ARHGAP15: variants seen among roughly 807,000 people sequenced by gnomAD.
The protein encoded by ARHGAP15 is Rho GTPase activating protein 15.
In ARHGAP15, 51 loss-of-function variants were observed where a neutral mutation model predicts 63.7. The ratio of observed to expected loss-of-function variants is 0.80; its 90% CI spans 0.64 to 1.01. The LOEUF (loss-of-function observed/expected upper bound fraction) is 1.01. ARHGAP15 is among the 50% of genes least tolerant of loss of function. The probability of loss-of-function intolerance (pLI) is 0.00; values close to 1 mark genes in which losing one functional copy is unlikely to be tolerated. For synonymous variants in ARHGAP15, 191 were observed against 193.8 expected, an observed-to-expected ratio of 0.99 and a Z score of 0.12; for missense variants, 560 against 564.6, an observed-to-expected ratio of 0.99 and a Z score of 0.08.
chr2:143,691,642 A>G (rs910429329), intron 12 of ARHGAP15, among the ~76,000 whole-genome samples: 23 of 152,214 alleles, frequency 1.5e-4, no homozygotes, highest in Non-Finnish European at 3.2e-4. Context: ...CCAACACATT[A>G]TCTAAATGGG....
At chr2:143,542,634 T>C (rs569943158) in intron 10 of ARHGAP15, among the ~76,000 whole-genome samples, 46 of 144,566 alleles carry the variant, frequency 3.2e-4, no homozygotes, top group Admixed American at 4.3e-4. Flanking sequence ...ATATATATGA[T>C]TTAAAATATA....
At chr2:143,143,331 G>A (rs1689446597) in intron 1 of ARHGAP15, among the ~76,000 whole-genome samples, 1 of 151,856 alleles carries the variant, frequency 6.6e-6, no homozygotes, top group Non-Finnish European at 1.5e-5. Context: ...TACATTTTAA[G>A]GTGTACATAT....
intron 6 of ARHGAP15, among the ~76,000 whole-genome samples, chr2:143,424,137 A>C (rs1689046557): frequency 6.6e-6 from 1 of 152,132 alleles, no homozygotes; most frequent in Non-Finnish European, 1.5e-5. Flanking sequence ...GTAAACAGAC[A>C]GACTACTAGG....
At position 143,606,035 on chromosome 2, in the gene ARHGAP15, C is replaced by CAAAAAAAAAAA. The variant is rs869266541; in HGVS notation, c.1004-18073_1004-18063dup. Among the ~76,000 whole-genome samples the CAAAAAAAAAAA allele has an allele frequency of 2.7e-3, 62 of 22,868 alleles. 7 individuals carry two copies. Among genetic ancestry groups the CAAAAAAAAAAA allele is most frequent in the South Asian group, 0.014 (3 of 208 alleles). 15.0% of individuals were successfully genotyped at this position (22,868 alleles called of 152,430 possible). On this transcript the variant is annotated intron_variant, in intron 11 of 13. Transcript: ENST00000295095. ...TGGGCGCCAGAGCAAGACTCTGTCT[C>CAAAAAAAAAAA]AAAAAAAAAAAAAAAAAAAAAAAAA...
At chr2:143,286,169 T>C (rs1247591242) in intron 6 of ARHGAP15, among the ~76,000 whole-genome samples, 1 of 152,174 alleles carries the variant, frequency 6.6e-6, no homozygotes, top group African/African-American at 2.4e-5. Context: ...CTATGGCCTT[T>C]TGTGAAAAGT....
At chr2:143,538,674 G>A (rs2105037776) in intron 10 of ARHGAP15, among the ~76,000 whole-genome samples, 3 of 152,232 alleles carry the variant, frequency 2.0e-5, no homozygotes, top group Non-Finnish European at 4.4e-5. Flanking sequence ...GTTTATGCTG[G>A]ATTACGTTTA....
chr2:143,182,815 A>G (rs946005314), intron 2 of ARHGAP15, among the ~76,000 whole-genome samples: 3 of 152,158 alleles, frequency 2.0e-5, no homozygotes, highest in African/African-American at 7.2e-5. Context: ...GACTGTATGT[A>G]ACAGGGCACC....
intron 6 of ARHGAP15, among the ~76,000 whole-genome samples, chr2:143,307,577 A>G (rs1246713766): frequency 6.6e-6 from 1 of 152,170 alleles, no homozygotes; most frequent in Admixed American, 6.6e-5. Context: ...CCATATTACA[A>G]ATTGAATAAT....
intron 8 of ARHGAP15, among the ~76,000 whole-genome samples, chr2:143,438,620 G>A (rs1689722464): frequency 6.6e-6 from 1 of 152,100 alleles, no homozygotes; most frequent in Non-Finnish European, 1.5e-5. Flanking sequence ...GAAAATGCAT[G>A]GTTTATTTGT....
rs568546364 is a variant in ARHGAP15 at position 143,235,708 on chromosome 2, C to A, written c.384+7040C>A. On this transcript the variant is annotated intron_variant, in intron 5 of 13. Transcript: ENST00000295095. ...TCGAGGCTCTTCATCTCATTTACTG[C>A]AGAAGTGAAAACTTTTTCCTCAAAA... Among the ~76,000 whole-genome samples, 8 of 152,310 alleles carry A rather than the reference C, an allele frequency of 5.3e-5. No homozygotes were observed. The East Asian group carries it at 1.5e-3, about 29-fold the overall frequency.
intron 10 of ARHGAP15, among the ~76,000 whole-genome samples, chr2:143,549,428 G>A (rs962074481): frequency 2.6e-5 from 4 of 152,278 alleles, no homozygotes. Context: ...AGAAATGAAA[G>A]CAGGAGAAAC....
chr2:143,321,562 A>G (rs1684026632), intron 6 of ARHGAP15, among the ~76,000 whole-genome samples: 1 of 152,224 alleles, frequency 6.6e-6, no homozygotes, highest in Non-Finnish European at 1.5e-5. Flanking sequence ...ACCAATAACT[A>G]TGAGCAGAGA....
In ARHGAP15 at chr2:143,183,722, CT is replaced by C. The variant is rs766431084; in HGVS notation, c.166-18398del. Among the ~76,000 whole-genome samples the C allele has an allele frequency of 3.8e-3, 526 of 139,800 alleles. 2 individuals are homozygous for C. Among genetic ancestry groups the C allele is most frequent in the African/African-American group, 7.3e-3 (277 of 37,860 alleles). 91.7% of individuals were successfully genotyped at this position (139,800 alleles called of 152,430 possible). A position where few individuals can be genotyped will look rare whatever the true frequency, so the allele number is the denominator to read the frequency against. On this transcript the variant is annotated intron_variant, in intron 2 of 13. Transcript: ENST00000295095. The stretch of plus-strand genomic sequence containing the variant: ...TTGTTTTGGATTGTATTTTTCTTTT[CT>C]TTTTTTTTTTTTTAAAGCTAAAGAT...
chr2:143,478,832 G>A (rs1691944352), intron 8 of ARHGAP15, among the ~76,000 whole-genome samples: 1 of 152,070 alleles, frequency 6.6e-6, no homozygotes, highest in Admixed American at 6.5e-5. Flanking sequence ...TGATTATTTG[G>A]CTTTAAGACA....
chr2:143,142,392 A>T (rs2104990634), intron 1 of ARHGAP15, among the ~76,000 whole-genome samples: 1 of 152,184 alleles, frequency 6.6e-6, no homozygotes, highest in African/African-American at 2.4e-5. Context: ...TAGCTTCTTC[A>T]TTTAGGTCCT....
chr2:143,579,117 T>G (rs751960301), intron 11 of ARHGAP15, among the ~76,000 whole-genome samples: 9 of 152,170 alleles, frequency 5.9e-5, no homozygotes, highest in Non-Finnish European at 1.2e-4. Flanking sequence ...TGCTGTAAGA[T>G]GACAATGATG....
intron 6 of ARHGAP15, among the ~76,000 whole-genome samples, chr2:143,266,326 G>C (rs2105033992): frequency 6.6e-6 from 1 of 152,098 alleles, no homozygotes; most frequent in South Asian, 2.1e-4. Flanking sequence ...TCAAACTATG[G>C]TGAAAATTTC....
At chr2:143,652,887 C>G (rs1356632196) in intron 12 of ARHGAP15, among the ~76,000 whole-genome samples, 4 of 152,008 alleles carry the variant, frequency 2.6e-5, no homozygotes, top group African/African-American at 7.2e-5. Flanking sequence ...GGCTTTCTAG[C>G]TGGATACATT....
chr2:143,290,838 A>G lies in ARHGAP15; in HGVS notation c.474+40238A>G, dbSNP rs115578495. 4.3e-3 allele frequency among the ~76,000 whole-genome samples: 649 copies of G among 152,300 alleles called. 4 individuals are homozygous for G. Among genetic ancestry groups the G allele is most frequent in the African/African-American group, 0.015 (619 of 41,576 alleles). On this transcript the variant is annotated intron_variant, in intron 6 of 13. Coordinates refer to ENST00000295095, the MANE Select transcript of ARHGAP15 (RefSeq NM_018460.4). ...AGATTTAGAAATGAGGGAAACACAG[A>G]TTACTCACTTCTCAAGTAGAGTATG... is the stretch of plus-strand genomic sequence containing the variant.
Sources: allele counts gnomAD v4.1 joint callset (sites outside exome capture counted in the v4.1 genomes callset), GRCh38; gene constraint gnomAD v4.1.1; transcripts MANE v1.5; gene names NCBI Gene and HGNC (gene_info 2026-07-23, HGNC 2026-07-21).